Variants in PI4KA observed in about 807,000 individuals in gnomAD.
PI4KA encodes the protein phosphatidylinositol 4-kinase alpha.
PI4KA carries 122 observed loss-of-function variants against 271.4 expected under a neutral mutation model. The ratio of observed to expected loss-of-function variants is 0.45; its 90% CI spans 0.39 to 0.52. The LOEUF (loss-of-function observed/expected upper bound fraction) is 0.52, where lower values mean the gene tolerates loss of function less well. Ranked by LOEUF, PI4KA falls within the 20% of genes least tolerant of loss-of-function variation. The pLI is 0.00. For missense variants in PI4KA, 1,969 were observed against 2,769.1 expected (o/e 0.71, Z 6.48); for synonymous variants, 1,041 against 1,078.8 (o/e 0.96, Z 0.69).
chr22:20,855,060 G>T (rs1927423231), intron 1 of PI4KA, among the ~76,000 whole-genome samples: 1 of 151,736 alleles, frequency 6.6e-6, no homozygotes, highest in Admixed American at 6.6e-5. Flanking sequence ...ACTGAGGCAG[G>T]AGAATCGCTT....
intron 23 of PI4KA, among the ~76,000 whole-genome samples, chr22:20,759,192 A>G (rs1241301775): frequency 1.3e-5 from 2 of 151,998 alleles, no homozygotes; most frequent in Non-Finnish European, 2.9e-5. Flanking sequence ...GACGACAGGC[A>G]TGTTCCACCA....
chr22:20,800,896 C>CT (rs361649), intron 14 of PI4KA, among the ~76,000 whole-genome samples: 22,002 of 133,852 alleles, frequency 0.16, 1,961 homozygotes, highest in Middle Eastern at 0.32. Context: ...GGAAGAATTT[C>CT]TTTTTTTTTT....
chr22:20,743,387 G>A (rs1191145449), intron 30 of PI4KA, among the ~76,000 whole-genome samples: 1 of 151,980 alleles, frequency 6.6e-6, no homozygotes, highest in South Asian at 2.1e-4. Context: ...CAAATAATCC[G>A]CCCACCTTGG....
chr22:20,805,851 A>G (rs896763287), intron 10 of PI4KA, among the ~76,000 whole-genome samples: 2 of 150,842 alleles, frequency 1.3e-5, no homozygotes, highest in African/African-American at 4.9e-5. Flanking sequence ...AAAAAAAAAG[A>G]AAGAAAAAGG....
In PI4KA at chr22:20,829,616, T is replaced by C. The variant is rs531866809; in HGVS notation, c.367+4946A>G. Among the ~76,000 whole-genome samples the C allele has an allele frequency of 1.6e-4, 25 of 152,058 alleles. No homozygotes were observed. The South Asian group carries it at 2.9e-3, about 18-fold the overall frequency. On this transcript the variant is annotated intron_variant, in intron 3 of 54. Coordinates refer to ENST00000255882, the MANE Select transcript of PI4KA (RefSeq NM_058004.4). Reference sequence around the variant, plus strand: ...TTTATTCAAAAAACCAACTCCTGGATTTGTTGATCTTCTGTATGGTTTTCA... The same window carrying C: ...TTTATTCAAAAAACCAACTCCTGGACTTGTTGATCTTCTGTATGGTTTTCA...
intron 14 of PI4KA, 28 bp downstream of exon 14, chr22:20,801,945 T>C (rs1465268193): frequency 6.2e-7 from 1 of 1,612,412 alleles, no homozygotes; most frequent in Non-Finnish European, 8.5e-7. Flanking sequence ...AGCACTGCTG[T>C]CTACTCGCCA....
intron 53 of PI4KA, 102 bp downstream of exon 53, chr22:20,709,806 C>T (rs1925010313): frequency 1.3e-6 from 1 of 752,546 alleles, no homozygotes; most frequent in Non-Finnish European, 2.4e-6. Flanking sequence ...AAGGAGATGA[C>T]AACCACAGTG....
intron 3 of PI4KA, among the ~76,000 whole-genome samples, chr22:20,832,864 C>T (rs1342363185): frequency 2.6e-5 from 4 of 152,126 alleles, no homozygotes; most frequent in South Asian, 2.1e-4. Context: ...TGATGATCTT[C>T]GTTCCTATCC....
rs553165690 is a variant in PI4KA at position 20,804,647 on chromosome 22, C to T, written c.1361-247G>A. Reference sequence around the variant, plus strand: ...CCATTCTACTCCTCCCCCAGAAAAACACTTCACCTGAAGGCACTGAGCTTC... The same window carrying T: ...CCATTCTACTCCTCCCCCAGAAAAATACTTCACCTGAAGGCACTGAGCTTC... On this transcript the variant is annotated intron_variant, in intron 11 of 54. Coordinates refer to ENST00000255882, the MANE Select transcript of PI4KA (RefSeq NM_058004.4). Among the ~76,000 whole-genome samples, 3 of 152,318 alleles carry T rather than the reference C, an allele frequency of 2.0e-5. No individual in the cohort carries two copies. In the South Asian group the frequency reaches 6.2e-4, roughly 32 times the overall value.
chr22:20,808,081 G>C (rs369541915), intron 9 of PI4KA, among the ~76,000 whole-genome samples: 2 of 149,588 alleles, frequency 1.3e-5, no homozygotes, highest in Non-Finnish European at 2.9e-5. Context: ...ACCTGAGGTC[G>C]GGAGTTTGAG....
At chr22:20,850,172 G>A (rs1926779517) in intron 1 of PI4KA, among the ~76,000 whole-genome samples, 1 of 151,978 alleles carries the variant, frequency 6.6e-6, no homozygotes, top group South Asian at 2.1e-4. Context: ...GCCTATGAAG[G>A]ATCAAATCAA....
intron 8 of PI4KA, among the ~76,000 whole-genome samples, chr22:20,811,609 A>C (rs531803299): frequency 8.0e-5 from 12 of 150,380 alleles, no homozygotes; most frequent in South Asian, 4.2e-4. Context: ...CAGAACCACA[A>C]AAAAAAAAAA....
At position 20,802,072 on chromosome 22, in the gene PI4KA, T is replaced by C. The variant is rs768235806; in HGVS notation, c.1625A>G (p.Asn542Ser). Residue 542 changes from asparagine (N) to serine (S), a missense_variant, in exon 14 of 55, where the codon AAT (asparagine) becomes AGT (serine). By Grantham distance (46) the Asn-to-Ser change is conservative. Coordinates refer to ENST00000255882, the MANE Select transcript of PI4KA (RefSeq NM_058004.4). ...GTTCAGGGTTGACTCGGAATGCTCA[T>C]TGGTCACACTGATTTTTATATCATT... ...AGNDIKISVTNEHSESTLNVM... is the reference protein window; with the variant it reads ...AGNDIKISVTSEHSESTLNVM... The C allele has an allele frequency of 3.7e-6, 6 of 1,613,936 alleles. No individual in the cohort carries two copies. The Admixed American group carries it at 5.0e-5, about 13-fold the overall frequency.
intron 19 of PI4KA, chr22:20,779,604 A>G (rs1933593763): frequency 1.2e-6 from 2 of 1,614,072 alleles, no homozygotes; most frequent in South Asian, 1.1e-5. Flanking sequence ...CATCGTCGAC[A>G]GTCTGTCAGT....
At chr22:20,782,992 CTTT>C (rs1933916656) in intron 19 of PI4KA, among the ~76,000 whole-genome samples, 1 of 148,166 alleles carries the variant, frequency 6.7e-6, no homozygotes, top group African/African-American at 2.5e-5. Context: ...TACTTCACTT[CTTT>C]GTGCCTCTGT....
chr22:20,801,469 C>T (rs1401436556), intron 14 of PI4KA, among the ~76,000 whole-genome samples: 1 of 151,818 alleles, frequency 6.6e-6, no homozygotes, highest in African/African-American at 2.4e-5. Context: ...CCTGTAATCC[C>T]AGCTACCTGG....
chr22:20,723,093 T>G (rs1315827508), intron 42 of PI4KA, among the ~76,000 whole-genome samples: 1 of 151,400 alleles, frequency 6.6e-6, no homozygotes, highest in African/African-American at 2.4e-5. Context: ...CAATCTCAGC[T>G]CACTGCAAGC....
rs752471373 is a variant in PI4KA, at chr22:20,709,922, T to C, written c.6159A>G (p.Thr2053=). 4 of 1,608,712 alleles carry C rather than the reference T, an allele frequency of 2.5e-6. No homozygotes were observed. The South Asian group carries it at 3.3e-5, about 13-fold the overall frequency. Residue 2053 remains threonine, a synonymous_variant, in exon 53 of 55, where the codon ACA becomes ACG. Transcript: ENST00000255882. ...AAGGAACCTACTTCAAGAGCTTGAT[T>C]GTCTGGCCGCGAAAACAGGGCAGGC... ...DTGLPCFRGQ[T]IKLLKHRFSP... is the part of the protein sequence containing the mutation.
chr22:20,775,097 G>A (rs1039443811), intron 19 of PI4KA, among the ~76,000 whole-genome samples: 2 of 152,104 alleles, frequency 1.3e-5, no homozygotes, highest in Non-Finnish European at 2.9e-5. Flanking sequence ...TACACCAGGA[G>A]GGATGACGGT....
Sources: allele counts gnomAD v4.1 joint callset (sites outside exome capture counted in the v4.1 genomes callset), GRCh38; gene constraint gnomAD v4.1.1; transcripts MANE v1.5; gene names NCBI Gene and HGNC (gene_info 2026-07-23, HGNC 2026-07-21).